MYH16: variants seen among roughly 807,000 people sequenced by gnomAD.
The protein encoded by MYH16 is putative uncharacterized protein MYH16.
intron 10 of MYH16, among the ~76,000 whole-genome samples, chr7:99,257,752 T>G (rs1317393807): frequency 6.6e-6 from 1 of 152,170 alleles, no homozygotes; most frequent in Non-Finnish European, 1.5e-5. Flanking sequence ...GCTCAAATGA[T>G]CCTCCTGCCT....
chr7:99,259,173 C>A (rs1367888499), intron 11 of MYH16, among the ~76,000 whole-genome samples: 1 of 152,164 alleles, frequency 6.6e-6, no homozygotes, highest in Non-Finnish European at 1.5e-5. Flanking sequence ...AACCATGTCA[C>A]CCCTTAAACT....
intron 36 of MYH16, among the ~76,000 whole-genome samples, 155 bp downstream of exon 17, chr7:99,298,150 G>A (rs373215988): frequency 1.3e-5 from 2 of 152,172 alleles, no homozygotes; most frequent in East Asian, 3.9e-4. Context: ...TGGAAATAAA[G>A]ACTGTACCTC....
intron 20 of MYH16, among the ~76,000 whole-genome samples, chr7:99,276,019 C>T (rs1235734648): frequency 3.9e-5 from 6 of 152,210 alleles, no homozygotes; most frequent in South Asian, 4.1e-4. Flanking sequence ...TGAGCCACTG[C>T]GCCCGGCCTT....
chr7:99,289,184 G>A (rs1402378935), intron 29 of MYH16, 103 bp from the exon 11 acceptor site: 1 of 217,172 alleles, frequency 4.6e-6, no homozygotes, highest in Non-Finnish European at 9.8e-6. Context: ...CAGGTAGCCT[G>A]GGAGGCACAC....
At chr7:99,243,712 T>A (rs1791694900) in intron 2 of MYH16, among the ~76,000 whole-genome samples, 1 of 152,126 alleles carries the variant, frequency 6.6e-6, no homozygotes, top group Non-Finnish European at 1.5e-5. Context: ...AATCAAAACA[T>A]CATTTTTCCC....
chr7:99,255,198 G>C (rs1399034870), intron 8 of MYH16, among the ~76,000 whole-genome samples: 1 of 152,142 alleles, frequency 6.6e-6, no homozygotes, highest in Non-Finnish European at 1.5e-5. Context: ...GAACCCAGGA[G>C]GCAGAGGTTG....
chr7:99,240,968 A>C (rs1427241315), intron 1 of MYH16, among the ~76,000 whole-genome samples: 2 of 152,200 alleles, frequency 1.3e-5, no homozygotes, highest in Admixed American at 1.3e-4. Flanking sequence ...TTTGAACGAA[A>C]GTCAAGCTTA....
intron 29 of MYH16, 133 bp downstream of exon 10, chr7:99,288,270 C>T (rs1009071187): frequency 8.0e-6 from 3 of 374,746 alleles, no homozygotes; most frequent in South Asian, 1.9e-5. Context: ...AGCCAGACCT[C>T]GTCTCCTCAA....
intron 33 of MYH16, among the ~76,000 whole-genome samples, chr7:99,294,551 A>AT (rs1562785538): frequency 5.9e-4 from 72 of 122,388 alleles, no homozygotes; most frequent in African/African-American, 3.2e-3. Flanking sequence ...AAAAGAAAAA[A>AT]AAAATATATA....
At chr7:99,266,337 C>G (rs1203011633) in intron 17 of MYH16, among the ~76,000 whole-genome samples, 1 of 152,306 alleles carries the variant, frequency 6.6e-6, no homozygotes, top group Admixed American at 6.5e-5. Flanking sequence ...GGGTCTGCTT[C>G]TGGACGAACA....
At chr7:99,242,670 GA>G (rs1791679678) in intron 1 of MYH16, among the ~76,000 whole-genome samples, 1 of 152,102 alleles carries the variant, frequency 6.6e-6, no homozygotes, top group South Asian at 2.1e-4. Flanking sequence ...ATTTAAAAAG[GA>G]AAAGTTTGGC....
At position 99,284,823 on chromosome 7, in the gene MYH16, G is replaced by A. The variant is rs1380468253; in HGVS notation, n.3226-22G>A. On this transcript the variant is annotated intron_variant and non_coding_transcript_variant, in intron 25 of 41. Transcript: ENST00000439784. Reference sequence around the variant, plus strand: ...GTCTACCCTCAGAGCCTTTCCTCAGGAGACCAACCCTTCCCTTGCAGGAGG... The same window carrying A: ...GTCTACCCTCAGAGCCTTTCCTCAGAAGACCAACCCTTCCCTTGCAGGAGG... The A allele has an allele frequency of 1.5e-5, 7 of 456,438 alleles. No homozygotes were observed. The Admixed American group carries it at 1.6e-4, about 11-fold the overall frequency. The allele number at this position is 456,438 out of a possible 1,614,324, so 28.3% of individuals were successfully genotyped here.
chr7:99,301,441 G>A (rs1792593401), intron 37 of MYH16, among the ~76,000 whole-genome samples, 160 bp from the exon 19 acceptor site: 1 of 152,246 alleles, frequency 6.6e-6, no homozygotes, highest in African/African-American at 2.4e-5. Context: ...AACTTCCCAA[G>A]ACCAGGTCTG....
intron 32 of MYH16, among the ~76,000 whole-genome samples, chr7:99,293,606 A>G (rs1390187400): frequency 1.3e-5 from 2 of 151,982 alleles, no homozygotes; most frequent in African/African-American, 4.8e-5. Flanking sequence ...GTCTCTCCTG[A>G]GTCTGTATTT....
At chr7:99,273,849 C>CAGAGAGGAAAGGAAGGG (rs1174848426) in intron 20 of MYH16, among the ~76,000 whole-genome samples, 1 of 101,276 alleles carries the variant, frequency 9.9e-6, no homozygotes, top group Non-Finnish European at 2.0e-5. Flanking sequence ...GAAAGGAAGA[C>CAGAGAGGAAAGGAAGGG]AGAGAGGAAA....
chr7:99,264,295 C>T (rs1341288874), exon 15 of MYH16: 1 of 152,658 alleles, frequency 6.6e-6, no homozygotes, highest in Non-Finnish European at 1.5e-5. Flanking sequence ...ATGACAGTCT[C>T]CAATTTCTAC....
chr7:99,243,019 A>T lies in MYH16; in HGVS notation n.211-259A>T, dbSNP rs1312538153. 4.6e-5 allele frequency among the ~76,000 whole-genome samples: 7 copies of T among 152,278 alleles called. No homozygotes were observed. The East Asian group carries it at 1.3e-3, about 29-fold the overall frequency. On this transcript the variant is annotated intron_variant and non_coding_transcript_variant, in intron 1 of 41. Coordinates refer to ENST00000439784, the Ensembl canonical transcript of MYH16. ...AAGGTATTTTTACATGATTCCACTT[A>T]AGTTCATATAATTCTCCCAGCAACC...
At chr7:99,292,377 G>C (rs1490501468) in exon 32 of MYH16, 1 of 457,112 alleles carries the variant, frequency 2.2e-6, no homozygotes, top group Admixed American at 2.3e-5. Context: ...TAAAGGAGCA[G>C]CTGGAGGAGG....
downstream of MYH16, among the ~76,000 whole-genome samples, chr7:99,307,076 G>A (rs1385969670): frequency 6.6e-6 from 1 of 152,148 alleles, no homozygotes; most frequent in Non-Finnish European, 1.5e-5. Flanking sequence ...TGTATCACAG[G>A]TGCTGGCCGA....
Sources: allele counts gnomAD v4.1 joint callset (sites outside exome capture counted in the v4.1 genomes callset), GRCh38; gene constraint gnomAD v4.1.1; transcripts MANE v1.5; gene names NCBI Gene and HGNC (gene_info 2026-07-23, HGNC 2026-07-21).